TBC1D5: variants seen among roughly 807,000 people sequenced by gnomAD.
TBC1D5 encodes TBC1 domain family member 5, also known as TBC1 domain family, member 5.
In TBC1D5, 75 loss-of-function variants were observed where a neutral mutation model predicts 100.3. That is an observed-to-expected ratio of 0.75 (90% confidence interval 0.62 to 0.91). The LOEUF (loss-of-function observed/expected upper bound fraction) is 0.91. TBC1D5 is among the 40% of genes least tolerant of loss of function. The probability of loss-of-function intolerance (pLI) is 0.00; values close to 1 mark genes in which losing one functional copy is unlikely to be tolerated. For synonymous variants in TBC1D5, 323 were observed against 325.6 expected (o/e 0.99, Z 0.09); for missense variants, 910 against 942.4 (o/e 0.97, Z 0.45).
chr3:17,207,528 G>C (rs2072369911), intron 18 of TBC1D5, among the ~76,000 whole-genome samples: 1 of 152,124 alleles, frequency 6.6e-6, no homozygotes, highest in Non-Finnish European at 1.5e-5. Context: ...TCTGGCACAA[G>C]GCTTAATTGT....
chr3:17,362,636 T>C (rs1411865670), intron 13 of TBC1D5, among the ~76,000 whole-genome samples: 1 of 152,118 alleles, frequency 6.6e-6, no homozygotes, highest in Non-Finnish European at 1.5e-5. Context: ...CTCACATGAC[T>C]AAGTTTTGTA....
intron 2 of TBC1D5, among the ~76,000 whole-genome samples, chr3:17,546,570 C>T (rs1270356904): frequency 6.6e-6 from 1 of 151,658 alleles, no homozygotes; most frequent in African/African-American, 2.4e-5. Context: ...TTGAAACCAA[C>T]CTGGGCAACA....
chr3:17,653,950 T>C (rs573782866), intron 1 of TBC1D5, among the ~76,000 whole-genome samples: 63 of 152,294 alleles, frequency 4.1e-4, no homozygotes, highest in African/African-American at 1.4e-3. Context: ...GGGGTTATTC[T>C]AATGGCAAGA....
chr3:17,247,204 A>G (rs879926623), intron 16 of TBC1D5, among the ~76,000 whole-genome samples: 1 of 152,156 alleles, frequency 6.6e-6, no homozygotes, highest in Non-Finnish European at 1.5e-5. Flanking sequence ...ATGTGTTGTC[A>G]TTTATCTTGC....
intron 2 of TBC1D5, among the ~76,000 whole-genome samples, chr3:17,577,121 G>T (rs2096662308): frequency 6.6e-6 from 1 of 151,938 alleles, no homozygotes; most frequent in Admixed American, 6.6e-5. Context: ...GAAAGTGGGG[G>T]TGGGGAGGGG....
intron 13 of TBC1D5, among the ~76,000 whole-genome samples, chr3:17,322,280 T>C (rs570452217): frequency 6.6e-6 from 1 of 152,352 alleles, no homozygotes; most frequent in East Asian, 1.9e-4. Flanking sequence ...TTGTTTTGTT[T>C]TCAATGTTTC....
At chr3:17,413,742 A>G (rs1008897895) in intron 4 of TBC1D5, among the ~76,000 whole-genome samples, 94 of 152,176 alleles carry the variant, frequency 6.2e-4, no homozygotes, top group African/African-American at 2.2e-3. Context: ...GAAAACACTA[A>G]TTTTACACTG....
chr3:17,573,678 T>C (rs948063668), intron 2 of TBC1D5, among the ~76,000 whole-genome samples: 4 of 152,130 alleles, frequency 2.6e-5, no homozygotes, highest in Admixed American at 2.0e-4. Flanking sequence ...CAGGCAGTAT[T>C]TCCCTCCACC....
chr3:17,483,424 T>C (rs573725615), intron 3 of TBC1D5, among the ~76,000 whole-genome samples: 3 of 152,242 alleles, frequency 2.0e-5, no homozygotes, highest in Admixed American at 2.0e-4. Flanking sequence ...CAATAGCAAA[T>C]GGCTCAAATC....
chr3:17,646,803 G>A (rs201783365), intron 1 of TBC1D5, among the ~76,000 whole-genome samples: 1 of 151,806 alleles, frequency 6.6e-6, no homozygotes, highest in East Asian at 1.9e-4. Flanking sequence ...TTAGATTCAT[G>A]GGTAAATGTG....
At chr3:17,473,371 TAGG>T (rs371988386) in intron 3 of TBC1D5, among the ~76,000 whole-genome samples, 4 of 152,360 alleles carry the variant, frequency 2.6e-5, no homozygotes, top group South Asian at 2.1e-4. Context: ...GTGACTTTGA[TAGG>T]AGATTAAAAT....
chr3:17,463,287 G>C (rs2095246713), intron 3 of TBC1D5, among the ~76,000 whole-genome samples: 1 of 152,176 alleles, frequency 6.6e-6, no homozygotes. Flanking sequence ...TGGACTAGGT[G>C]TCAAAAGCCA....
intron 9 of TBC1D5, among the ~76,000 whole-genome samples, chr3:17,382,764 G>A (rs983407134): frequency 6.6e-6 from 1 of 151,898 alleles, no homozygotes; most frequent in African/African-American, 2.4e-5. Flanking sequence ...GTTTCACCAT[G>A]TTGCCCAGCC....
chr3:17,587,229 GCTAT>G (rs1317314807), intron 2 of TBC1D5, among the ~76,000 whole-genome samples: 1 of 151,728 alleles, frequency 6.6e-6, no homozygotes, highest in East Asian at 1.9e-4. Flanking sequence ...TCTCAACTGG[GCTAT>G]CTAATTTAAG....
chr3:17,726,932 T>G (rs1290719008), intron 1 of TBC1D5, among the ~76,000 whole-genome samples: 1 of 152,206 alleles, frequency 6.6e-6, no homozygotes, highest in Non-Finnish European at 1.5e-5. Context: ...ACCAATACTG[T>G]CTAGAATAGA....
intron 13 of TBC1D5, among the ~76,000 whole-genome samples, chr3:17,365,365 A>G (rs7623979): frequency 0.41 from 62,549 of 151,922 alleles, 13,565 homozygotes; most frequent in Middle Eastern, 0.47. Flanking sequence ...GCTAAAATAC[A>G]TGGTCACTTT....
rs375582099 is a variant in TBC1D5, at chr3:17,716,577, G to GT, written c.-101+22765dup. 9.9e-5 allele frequency among the ~76,000 whole-genome samples: 15 copies of GT among 152,026 alleles called. No homozygotes were observed. The East Asian group carries it at 1.4e-3, about 14-fold the overall frequency. On this transcript the variant is annotated intron_variant, in intron 1 of 21. Transcript: ENST00000253692. ...TTATCCATTAAACATATTTCATATA[G>GT]TTTTTTTTAACAATGTAAAATATCA...
chr3:17,346,945 A>G (rs1220044885), intron 13 of TBC1D5, among the ~76,000 whole-genome samples: 1 of 152,168 alleles, frequency 6.6e-6, no homozygotes, highest in Non-Finnish European at 1.5e-5. Context: ...TGTATAATAT[A>G]CTTGAATATA....
chr3:17,703,903 GTT>G (rs36000123), intron 1 of TBC1D5, among the ~76,000 whole-genome samples: 2 of 145,112 alleles, frequency 1.4e-5, no homozygotes, highest in African/African-American at 5.1e-5. Flanking sequence ...TGATATTTGT[GTT>G]TTTTTTTTGT....
Sources: gnomAD v4.1 joint callset for allele counts (sites outside exome capture counted in the v4.1 genomes callset) on GRCh38, gnomAD v4.1.1 for gene constraint, MANE v1.5 for transcripts, NCBI Gene and HGNC (gene_info 2026-07-23, HGNC 2026-07-21) for gene names.